Variants in ZFP42 observed in about 807,000 individuals in gnomAD.
ZFP42 encodes the protein ZFP42 zinc finger protein, also known as zinc finger protein 42 homolog.
For synonymous variants in ZFP42, 175 were observed against 144.6 expected (o/e 1.21, Z -1.51); for missense variants, 438 against 377.1 (o/e 1.16, Z -1.34).
intron 1 of ZFP42, among the ~76,000 whole-genome samples, chr4:187,996,250 C>T (rs1733556222): frequency 6.6e-6 from 1 of 152,192 alleles, no homozygotes. Flanking sequence ...CCTCTTATCT[C>T]TGGAGATGGC....
rs1020100299 is a variant in ZFP42, at chr4:188,003,058, C to T, written c.251C>T (p.Pro84Leu). ...GTCATAAGGGGTGAGTTTTCTCAAC[C>T]CATCCTGGAAGAGGACTCACTTTTT... ...ECVIRGEFSQ[P>L]ILEEDSLFES... The change falls in exon 4 of 4, where the codon CCC becomes CTC. Residue 84 changes from proline to leucine, a missense_variant. Coordinates refer to ENST00000326866, the MANE Select transcript of ZFP42 (RefSeq NM_174900.5). 1.9e-6 allele frequency: 3 copies of T among 1,614,056 alleles called. No homozygotes were observed. The highest frequency in any genetic ancestry group is 2.5e-6 in the Non-Finnish European group (3 of 1,180,014).
At chr4:188,001,273 A>G (rs925144868) in intron 3 of ZFP42, among the ~76,000 whole-genome samples, 17 of 152,112 alleles carry the variant, frequency 1.1e-4, no homozygotes, top group African/African-American at 4.1e-4. Context: ...GAAAGACATC[A>G]GGACAATAAA....
chr4:187,996,993 A>C (rs79839392), intron 1 of ZFP42, among the ~76,000 whole-genome samples: 18,131 of 110,726 alleles, frequency 0.16, 1,249 homozygotes, highest in South Asian at 0.29. Flanking sequence ...TGTAGGGAGC[A>C]TGGAGCATGG....
At chr4:187,996,089 G>C (rs1030452024) in intron 1 of ZFP42, among the ~76,000 whole-genome samples, 4 of 152,220 alleles carry the variant, frequency 2.6e-5, no homozygotes, top group African/African-American at 9.6e-5. Context: ...AAGAAAGCAA[G>C]TGTCTGGCGG....
chr4:188,003,176 G>GA lies in ZFP42; in HGVS notation c.375dup (p.Gly126ArgfsTer17). ...CCCTTGAATGTTCTTTGGAATACAT[G>GA]AAAAAAGGGGTAAAGAAAGAGCTTC... is the stretch of plus-strand genomic sequence containing the variant. On this transcript the variant is annotated frameshift_variant, in exon 4 of 4. Transcript: ENST00000326866. LOFTEE classifies it low-confidence loss of function (END_TRUNC). 2 of 1,613,080 alleles carry GA rather than the reference G, an allele frequency of 1.2e-6. No homozygotes were observed. The highest frequency in any genetic ancestry group is 1.7e-6 in the Non-Finnish European group (2 of 1,179,766).
At position 188,004,678 on chromosome 4, in the gene ZFP42, C is replaced by T. The variant is rs943775646; in HGVS notation, c.*938C>T. ...TTGCATACGCCTGTGTTCCCAGCTACTCAGGAGGCTGAAGCAGGAGGATAG... is the reference window on the plus strand; with the variant it reads ...TTGCATACGCCTGTGTTCCCAGCTATTCAGGAGGCTGAAGCAGGAGGATAG... On this transcript the variant is annotated 3_prime_UTR_variant, in exon 4 of 4. Coordinates refer to ENST00000326866, the MANE Select transcript of ZFP42 (RefSeq NM_174900.5). 3.6e-5 allele frequency: 6 copies of T among 166,694 alleles called. No homozygotes were observed. Among genetic ancestry groups the T allele is most frequent in the African/African-American group, 7.3e-5 (3 of 41,270 alleles). 10.3% of individuals were successfully genotyped at this position (166,694 alleles called of 1,614,324 possible).
chr4:187,998,543 A>G (rs1733694167), intron 1 of ZFP42, among the ~76,000 whole-genome samples: 1 of 152,190 alleles, frequency 6.6e-6, no homozygotes, highest in African/African-American at 2.4e-5. Context: ...CACTACCAGT[A>G]CTGTGAGCTC....
In ZFP42 at chr4:188,004,951, T is replaced by A. The variant is rs1733997626; in HGVS notation, c.*1211T>A. On this transcript the variant is annotated 3_prime_UTR_variant, in exon 4 of 4. Transcript: ENST00000326866. ...TTTTCTTTTTATCATTGTATCAAAC[T>A]ATATGGAAATCATATGGTTAGATGT... 6.0e-6 allele frequency: 1 copy of A among 167,122 alleles called. No homozygotes were observed. Among genetic ancestry groups the A allele is most frequent in the African/African-American group, 2.4e-5 (1 of 41,458 alleles). 10.4% of individuals were successfully genotyped at this position (167,122 alleles called of 1,614,324 possible).
chr4:188,003,868 T>C lies in ZFP42; in HGVS notation c.*128T>C, dbSNP rs77680852. ...CCCAAAAGCGGTTATAATTTGGTGT[T>C]ACTAAGATGCTCCTACACTTTGTGA... On this transcript the variant is annotated 3_prime_UTR_variant, in exon 4 of 4. Coordinates refer to ENST00000326866, the MANE Select transcript of ZFP42 (RefSeq NM_174900.5). 2,797 of 947,216 alleles carry C rather than the reference T, an allele frequency of 3.0e-3. 11 individuals carry two copies. The highest frequency in any genetic ancestry group is 9.2e-3 in the South Asian group (510 of 55,692). The allele number at this position is 947,216 out of a possible 1,614,324, so 58.7% of individuals were successfully genotyped here.
chr4:187,996,385 A>G (rs999249932), intron 1 of ZFP42, among the ~76,000 whole-genome samples: 1 of 151,976 alleles, frequency 6.6e-6, no homozygotes, highest in Non-Finnish European at 1.5e-5. Context: ...ATCTCGGCTC[A>G]CTGCAACCTC....
chr4:187,997,053 C>T (rs1005488237), intron 1 of ZFP42, among the ~76,000 whole-genome samples: 1 of 149,778 alleles, frequency 6.7e-6, no homozygotes, highest in African/African-American at 2.4e-5. Context: ...TGGAGCATGG[C>T]CTGCAGCCCC....
chr4:187,999,890 A>C, intron 3 of ZFP42, among the ~76,000 whole-genome samples: 1 of 152,218 alleles, frequency 6.6e-6, no homozygotes, highest in East Asian at 1.9e-4. Context: ...AGTGAGAAAA[A>C]AGAACATTTG....
At chr4:187,997,153 TG>T (rs1381011421) in intron 1 of ZFP42, among the ~76,000 whole-genome samples, 1 of 150,162 alleles carries the variant, frequency 6.7e-6, no homozygotes, top group East Asian at 2.0e-4. Context: ...CTGGCTCCGA[TG>T]GCCCCCTCCT....
intron 1 of ZFP42, among the ~76,000 whole-genome samples, chr4:187,998,182 C>T (rs992943762): frequency 1.3e-5 from 2 of 151,942 alleles, no homozygotes; most frequent in East Asian, 1.9e-4. Context: ...ACTAAAAATA[C>T]GAAATTAGCT....
chr4:188,002,707 A>AGC lies in ZFP42; in HGVS notation c.-95-6_-95-5insGC. On this transcript the variant is annotated splice_polypyrimidine_tract_variant and splice_region_variant and intron_variant, in intron 3 of 3. Transcript: ENST00000326866. Reference sequence around the variant, plus strand: ...ATTTTAACTAAAGGTTATTATCATAAAGCAGGTGTTTGCTGAAGACAGCTT... The same window carrying AGC: ...ATTTTAACTAAAGGTTATTATCATAAGCAGCAGGTGTTTGCTGAAGACAGCTT... The AGC allele has an allele frequency of 1.1e-6, 1 of 930,106 alleles. No individual in the cohort carries two copies. 57.6% of individuals were successfully genotyped at this position (930,106 alleles called of 1,614,324 possible). A position where few individuals can be genotyped will look rare whatever the true frequency, so the allele number is the denominator to read the frequency against.
At chr4:188,000,275 T>C (rs1033298564) in intron 3 of ZFP42, among the ~76,000 whole-genome samples, 1 of 152,230 alleles carries the variant, frequency 6.6e-6, no homozygotes, top group Non-Finnish European at 1.5e-5. Context: ...AATGGACTAA[T>C]TGGGGAGAGC....
At chr4:188,000,151 A>G (rs1733755697) in intron 3 of ZFP42, among the ~76,000 whole-genome samples, 1 of 152,186 alleles carries the variant, frequency 6.6e-6, no homozygotes, top group African/African-American at 2.4e-5. Context: ...TCAAAATCCA[A>G]AATGGTCCAA....
Position 188,002,852 on chromosome 4 carries a change from AGGCCTG to A in ZFP42, c.48_53del (p.Leu17_Gly18del), listed in dbSNP as rs1733883050. 1.2e-6 allele frequency: 2 copies of A among 1,614,094 alleles called. No individual in the cohort carries two copies. The highest frequency in any genetic ancestry group is 1.7e-6 in the Non-Finnish European group (2 of 1,180,038). The stretch of plus-strand genomic sequence containing the variant: ...AACGGGCAAAGACAAGACACCAGAA[AGGCCTG>A]GGTGGAAGAGCCCCCAGTGGGGCTA... On this transcript the variant is annotated inframe_deletion, in exon 4 of 4. Coordinates refer to ENST00000326866, the MANE Select transcript of ZFP42 (RefSeq NM_174900.5).
At chr4:187,997,401 T>C (rs973908034) in intron 1 of ZFP42, among the ~76,000 whole-genome samples, 3 of 150,606 alleles carry the variant, frequency 2.0e-5, no homozygotes, top group Admixed American at 2.0e-4. Context: ...GCCCGACTAA[T>C]TTTTTTTATT....
Sources: allele counts gnomAD v4.1 joint callset (sites outside exome capture counted in the v4.1 genomes callset), GRCh38; gene constraint gnomAD v4.1.1; transcripts MANE v1.5; gene names NCBI Gene and HGNC (gene_info 2026-07-23, HGNC 2026-07-21).